The following FGD3 variants were observed in gnomAD, a reference collection of about 807,000 sequenced individuals.
FGD3 encodes the protein FYVE, RhoGEF and PH domain-containing protein 3.
FGD3 carries 45 observed loss-of-function variants against 71.8 expected under a neutral mutation model. The ratio of observed to expected loss-of-function variants is 0.63; its 90% CI spans 0.49 to 0.80. The LOEUF is 0.80. FGD3 is among the 30% of genes least tolerant of loss of function. The pLI, the probability that FGD3 is intolerant of heterozygous loss-of-function variation, is 0.00. For synonymous variants in FGD3, 378 were observed against 392.8 expected (o/e 0.96, Z 0.44); for missense variants, 844 against 951.5 (o/e 0.89, Z 1.49).
chr9:93,004,027 G>T lies in FGD3; in HGVS notation c.570G>T (p.Ala190=). ...DQVFCTRLTD[A]GIPPEVIMGI... Reference sequence around the variant, plus strand: ...TTTTCTGCACCAGGCTGACGGATGCGGGGATCCCTCCAGAAGTCATCATGG... The same window carrying T: ...TTTTCTGCACCAGGCTGACGGATGCTGGGATCCCTCCAGAAGTCATCATGG... The change falls in exon 5 of 18, where the codon GCG becomes GCT. Residue 190 remains alanine (A), a synonymous_variant. Transcript: ENST00000375482. The T allele has an allele frequency of 6.2e-7, 1 of 1,614,162 alleles. No individual in the cohort carries two copies. The highest frequency in any genetic ancestry group is 8.5e-7 in the Non-Finnish European group (1 of 1,180,042).
rs781095803 is a variant in FGD3, at chr9:93,034,685, C to T, written c.1926+4C>T. ...GCACCTGCAGGGAGGCAGCCAGGTA[C>T]GTGTCCCCACCCCACCAGGCCCTCA... On this transcript the variant is annotated splice_donor_region_variant and intron_variant, in intron 17 of 17. Transcript: ENST00000375482. 141 of 1,611,416 alleles carry T rather than the reference C, an allele frequency of 8.8e-5. 1 individual carries two copies. Among genetic ancestry groups the T allele is most frequent in the Admixed American group, 2.2e-4 (13 of 59,780 alleles).
intron 3 of FGD3, among the ~76,000 whole-genome samples, chr9:92,997,044 C>G (rs1019762687): frequency 1.2e-4 from 19 of 152,110 alleles, no homozygotes; most frequent in African/African-American, 3.9e-4. Context: ...TTAACTTTGT[C>G]TTGTTGATCT....
At chr9:92,988,413 T>G (rs1244482268) in intron 3 of FGD3, among the ~76,000 whole-genome samples, 2 of 152,212 alleles carry the variant, frequency 1.3e-5, no homozygotes, top group African/African-American at 4.8e-5. Flanking sequence ...TGGGGCAGGC[T>G]GGAGATTCTC....
intron 14 of FGD3, among the ~76,000 whole-genome samples, chr9:93,024,638 G>A (rs533482452): frequency 5.9e-5 from 9 of 152,364 alleles, no homozygotes; most frequent in African/African-American, 2.2e-4. Context: ...TCAGTGTCTT[G>A]GGTAGGCAAG....
intron 16 of FGD3, 181 bp from the exon 17 acceptor site, chr9:93,034,360 G>C: frequency 2.8e-6 from 2 of 710,886 alleles, no homozygotes; most frequent in Non-Finnish European, 4.4e-6. Flanking sequence ...CCTATGTCCT[G>C]CAGGCTTCTA....
intron 11 of FGD3, 69 bp from the exon 12 acceptor site, chr9:93,019,762 G>T: frequency 6.8e-7 from 1 of 1,461,612 alleles, no homozygotes; most frequent in South Asian, 1.1e-5. Context: ...CTGCAGGGTT[G>T]AGAGAGGGCT....
intron 1 of FGD3, among the ~76,000 whole-genome samples, chr9:92,957,873 G>A (rs984634067): frequency 4.0e-5 from 6 of 151,316 alleles, no homozygotes; most frequent in African/African-American, 1.5e-4. Flanking sequence ...TAGAGATGAA[G>A]TTTCACTATG....
rs1860960420 is a variant in FGD3, at chr9:93,004,142, G to A, written c.680+5G>A. On this transcript the variant is annotated splice_donor_5th_base_variant and intron_variant, in intron 5 of 17. Transcript: ENST00000375482. ...GACGCGGATCACGGAGGAGTGGTGA[G>A]TACCATCTGCGCATGCCCATGGGGC... is the stretch of plus-strand genomic sequence containing the variant. 3 of 1,613,368 alleles carry A rather than the reference G, an allele frequency of 1.9e-6. No homozygotes were observed. Among genetic ancestry groups the A allele is most frequent in the Non-Finnish European group, 2.5e-6 (3 of 1,180,032 alleles).
intron 3 of FGD3, among the ~76,000 whole-genome samples, chr9:92,981,911 A>G (rs1294733320): frequency 2.0e-5 from 3 of 152,162 alleles, no homozygotes; most frequent in South Asian, 4.1e-4. Context: ...GTTTTGATAC[A>G]TAGAATATAT....
At chr9:92,976,166 A>T (rs1859744247) in intron 2 of FGD3, 42 bp from the exon 3 acceptor site, 5 of 1,254,050 alleles carry the variant, frequency 4.0e-6, no homozygotes, top group Non-Finnish European at 5.4e-6. Context: ...GTGCTGGTCC[A>T]TGCCTGGCTA....
At chr9:93,031,877 AGAGG>A (rs1416680620) in intron 15 of FGD3, among the ~76,000 whole-genome samples, 6 of 152,150 alleles carry the variant, frequency 3.9e-5, no homozygotes, top group Non-Finnish European at 8.8e-5. Context: ...AGGATCCAGC[AGAGG>A]GAGGGAGACC....
rs113001851 is a variant in FGD3 at position 93,011,245 on chromosome 9, C to T, written c.1008C>T (p.Asn336=). Residue 336 remains asparagine, a synonymous_variant, in exon 8 of 18, where the codon AAC becomes AAT. Transcript: ENST00000375482. ...TGGAGCTCATCTCCACAGCCGCCAACCACTCCAATGCTGCCATTCGGAAAG... is the reference window on the plus strand; with the variant it reads ...TGGAGCTCATCTCCACAGCCGCCAATCACTCCAATGCTGCCATTCGGAAAG... The part of the protein sequence containing the change: ...RSLELISTAA[N]HSNAAIRKVE... 1.3e-3 allele frequency: 2,084 copies of T among 1,614,206 alleles called. 23 individuals are homozygous for T. The African/African-American group carries it at 0.024, about 19-fold the overall frequency.
chr9:92,959,883 C>T (rs1334293822), intron 1 of FGD3, among the ~76,000 whole-genome samples: 1 of 151,784 alleles, frequency 6.6e-6, no homozygotes, highest in Non-Finnish European at 1.5e-5. Context: ...CCCACGTCCC[C>T]TGTACCCCCA....
At chr9:93,018,056 A>G (rs1587861342) in intron 10 of FGD3, 80 bp from the exon 11 acceptor site, 1 of 1,370,304 alleles carries the variant, frequency 7.3e-7, no homozygotes, top group East Asian at 2.3e-5. Flanking sequence ...TTGGGGAAAC[A>G]CTTCTAAGTC....
At chr9:93,034,134 G>A (rs1255023640) in intron 16 of FGD3, 1 of 158,864 alleles carries the variant, frequency 6.3e-6, no homozygotes, top group Non-Finnish European at 1.4e-5. Context: ...CAGAGGGAGG[G>A]CCTGTGTGTG....
intron 14 of FGD3, among the ~76,000 whole-genome samples, chr9:93,025,131 G>C (rs1482168109): frequency 1.3e-5 from 2 of 152,318 alleles, no homozygotes; most frequent in East Asian, 3.9e-4. Context: ...GGTGCGCCCA[G>C]CTGGGTGGAC....
In FGD3 at chr9:92,969,718, G is replaced by A. The variant is rs951970094; in HGVS notation, c.-217-5520G>A. Among the ~76,000 whole-genome samples, 2 of 152,168 alleles carry A rather than the reference G, an allele frequency of 1.3e-5. No individual in the cohort carries two copies. The highest frequency in any genetic ancestry group is 4.8e-5 in the African/African-American group (2 of 41,430). On this transcript the variant is annotated intron_variant, in intron 1 of 17. Coordinates refer to ENST00000375482, the MANE Select transcript of FGD3 (RefSeq NM_001083536.2). This position sits in a 1 kb window ranked among gnomAD's most constrained non-coding sequence, Gnocchi z 4.5. ...GGGAAGGGACATCTGGTGGCAGATA[G>A]AGCTGGGTGGTAGGCAGACTGGTGG...
intron 1 of FGD3, among the ~76,000 whole-genome samples, chr9:92,955,981 A>G (rs1859043705): frequency 1.3e-5 from 2 of 152,202 alleles, no homozygotes; most frequent in Non-Finnish European, 2.9e-5. Context: ...TGGATGTACC[A>G]CAGTTAATGT....
At chr9:93,004,236 T>G in intron 5 of FGD3, 99 bp downstream of exon 5, 1 of 1,496,046 alleles carries the variant, frequency 6.7e-7, no homozygotes, top group Non-Finnish European at 9.1e-7. Flanking sequence ...GACTGTCTCA[T>G]GGTGGCTGGG....
Sources: allele counts gnomAD v4.1 joint callset (sites outside exome capture counted in the v4.1 genomes callset), GRCh38; gene constraint gnomAD v4.1.1; non-coding constraint Gnocchi (gnomAD v3.1); transcripts MANE v1.5; gene names NCBI Gene and HGNC (gene_info 2026-07-23, HGNC 2026-07-21).